The following FSTL4 variants were observed in gnomAD, a reference collection of about 807,000 sequenced individuals.
The protein encoded by FSTL4 is follistatin-related protein 4.
FSTL4 carries 28 observed loss-of-function variants against 78.2 expected under a neutral mutation model. The ratio of observed to expected loss-of-function variants is 0.36; its 90% CI spans 0.27 to 0.49. FSTL4 has a LOEUF of 0.49. FSTL4 is among the 20% of genes least tolerant of loss of function. The pLI is 0.98. For missense variants in FSTL4, 922 were observed against 1,084.9 expected (o/e 0.85, Z 2.11); for synonymous variants, 422 against 440.5 (o/e 0.96, Z 0.53).
At chr5:133,321,281 C>T (rs1754043866) in intron 4 of FSTL4, among the ~76,000 whole-genome samples, 1 of 152,202 alleles carries the variant, frequency 6.6e-6, no homozygotes, top group South Asian at 2.1e-4. Context: ...TTCATCTTGG[C>T]CTCTGCTTAA....
intron 3 of FSTL4, among the ~76,000 whole-genome samples, chr5:133,471,880 C>T (rs1169096714): frequency 6.6e-6 from 1 of 152,152 alleles, no homozygotes; most frequent in East Asian, 1.9e-4. Flanking sequence ...ACTTTTCATC[C>T]CCCTTGCTCT....
At chr5:133,696,865 T>A in the FSTL4 span, among the ~76,000 whole-genome samples, 2 of 152,162 alleles carry the variant, frequency 1.3e-5, no homozygotes, top group Non-Finnish European at 2.9e-5. Context: ...TGTGAAATCA[T>A]CAAAGTGTGA....
the FSTL4 span, among the ~76,000 whole-genome samples, chr5:133,747,853 TC>T: frequency 5.3e-5 from 8 of 152,120 alleles, no homozygotes; most frequent in Admixed American, 1.3e-4. Flanking sequence ...TAGACAGTGA[TC>T]CGGTGGGTGA....
chr5:133,613,993 C>G (rs1761157604), upstream of FSTL4, among the ~76,000 whole-genome samples: 1 of 152,224 alleles, frequency 6.6e-6, no homozygotes, highest in African/African-American at 2.4e-5. Context: ...AGGGATGGCA[C>G]TTTTCATCTT....
At chr5:133,837,402 T>C in the FSTL4 span, among the ~76,000 whole-genome samples, 3 of 152,210 alleles carry the variant, frequency 2.0e-5, no homozygotes, top group Non-Finnish European at 4.4e-5. Context: ...TCTATTCTCC[T>C]ACAGGCATTC....
intron 3 of FSTL4, among the ~76,000 whole-genome samples, chr5:133,510,845 A>G (rs1453708744): frequency 6.6e-6 from 1 of 151,936 alleles, no homozygotes; most frequent in Non-Finnish European, 1.5e-5. Context: ...GTCCCACTCG[A>G]TAAGGTTTCC....
chr5:133,424,864 T>C (rs571192173), intron 3 of FSTL4, among the ~76,000 whole-genome samples: 43 of 152,346 alleles, frequency 2.8e-4, no homozygotes, highest in Middle Eastern at 3.4e-3. Flanking sequence ...GCACATGCCA[T>C]AGTGAAATGT....
At chr5:133,623,187 C>A in the FSTL4 span, among the ~76,000 whole-genome samples, 1 of 151,824 alleles carries the variant, frequency 6.6e-6, no homozygotes, top group African/African-American at 2.4e-5. Flanking sequence ...GTAGAAATTG[C>A]AAGTGTCCCT....
chr5:133,715,910 C>G, the FSTL4 span, among the ~76,000 whole-genome samples: 1 of 152,176 alleles, frequency 6.6e-6, no homozygotes, highest in Admixed American at 6.5e-5. Flanking sequence ...TCAACCAATG[C>G]TTATTGAAAA....
chr5:133,580,836 C>T (rs911509583), intron 2 of FSTL4, among the ~76,000 whole-genome samples: 7 of 152,178 alleles, frequency 4.6e-5, no homozygotes, highest in African/African-American at 1.7e-4. Flanking sequence ...AGTAGCATCC[C>T]AGTAGCAGCT....
intron 4 of FSTL4, among the ~76,000 whole-genome samples, chr5:133,354,436 C>T (rs1446455540): frequency 6.6e-6 from 1 of 152,198 alleles, no homozygotes; most frequent in African/African-American, 2.4e-5. Flanking sequence ...GCTCAGCCCT[C>T]GTGGTTGAGT....
chr5:133,484,587 C>G (rs1758094606), intron 3 of FSTL4, among the ~76,000 whole-genome samples: 1 of 152,186 alleles, frequency 6.6e-6, no homozygotes, highest in Non-Finnish European at 1.5e-5. Context: ...TTTGCCAAAA[C>G]ATAAAGAGAA....
the FSTL4 span, among the ~76,000 whole-genome samples, chr5:133,811,119 G>T: frequency 6.6e-6 from 1 of 152,140 alleles, no homozygotes; most frequent in South Asian, 2.1e-4. Flanking sequence ...TCGTGGGCCT[G>T]TCCAGCTCTA....
chr5:133,225,606 G>T lies in FSTL4; in HGVS notation c.1177+52C>A. On this transcript the variant is annotated intron_variant, in intron 9 of 15. Transcript: ENST00000265342. The surrounding 1 kb of genome is among the most constrained non-coding windows in gnomAD (Gnocchi z 4.6). ...TCTCGTTTCCATTCCTGGAGTCTCA[G>T]CTTGATTTGAATGGGAATATCGCAT... is the stretch of plus-strand genomic sequence containing the variant. The T allele has an allele frequency of 2.1e-6, 3 of 1,457,710 alleles. No individual in the cohort carries two copies. Among genetic ancestry groups the T allele is most frequent in the Admixed American group, 2.1e-5 (1 of 46,520 alleles). 90.3% of individuals were successfully genotyped at this position (1,457,710 alleles called of 1,614,324 possible). A position where few individuals can be genotyped will look rare whatever the true frequency, so the allele number is the denominator to read the frequency against.
At chr5:133,337,330 C>A (rs1237064791) in intron 4 of FSTL4, among the ~76,000 whole-genome samples, 1 of 151,540 alleles carries the variant, frequency 6.6e-6, no homozygotes, top group Non-Finnish European at 1.5e-5. Flanking sequence ...GGCTGTTAAG[C>A]GTCCTCTGCA....
the FSTL4 span, among the ~76,000 whole-genome samples, chr5:133,660,635 C>A: frequency 1.3e-5 from 2 of 152,200 alleles, no homozygotes. Flanking sequence ...GGTGCCCACC[C>A]TGTCCCTCTC....
chr5:133,481,841 A>C (rs556519229), intron 3 of FSTL4, among the ~76,000 whole-genome samples: 13 of 152,312 alleles, frequency 8.5e-5, no homozygotes, highest in African/African-American at 2.4e-4. Context: ...GCTCAAGTGC[A>C]GTCATAATAA....
chr5:133,486,458 C>G lies in FSTL4; in HGVS notation c.160+80728G>C, dbSNP rs566876105. On this transcript the variant is annotated intron_variant, in intron 3 of 15. Transcript: ENST00000265342. Reference sequence around the variant, plus strand: ...GGAACAGGAGAAAGGGACATAATTGCAGCAGGCGTTCCCTCTCCTGTTCTG... The same window carrying G: ...GGAACAGGAGAAAGGGACATAATTGGAGCAGGCGTTCCCTCTCCTGTTCTG... Among the ~76,000 whole-genome samples, 176 of 152,192 alleles carry G rather than the reference C, an allele frequency of 1.2e-3. 1 individual carries two copies. The highest frequency in any genetic ancestry group is 4.1e-3 in the African/African-American group (169 of 41,526).
intron 3 of FSTL4, among the ~76,000 whole-genome samples, chr5:133,477,992 G>A (rs536459417): frequency 3.3e-5 from 5 of 152,254 alleles, no homozygotes; most frequent in South Asian, 4.1e-4. Flanking sequence ...TGAGGGAGAC[G>A]CCAATCATTA....
Sources: allele counts gnomAD v4.1 joint callset (sites outside exome capture counted in the v4.1 genomes callset), GRCh38; gene constraint gnomAD v4.1.1; non-coding constraint Gnocchi (gnomAD v3.1); transcripts MANE v1.5; gene names NCBI Gene and HGNC (gene_info 2026-07-23, HGNC 2026-07-21).